Variants in RALYL observed in about 807,000 individuals in gnomAD.
RALYL encodes the protein RNA-binding Raly-like protein.
A neutral mutation model predicts 35.1 loss-of-function variants in RALYL; 29 were observed. The observed-to-expected ratio is 0.83, with a 90% CI of 0.61 to 1.13. The LOEUF (loss-of-function observed/expected upper bound fraction) is 1.13, where lower values mean the gene tolerates loss of function less well. RALYL is among the 50% of genes most tolerant of loss of function. The pLI is 0.00. For missense variants in RALYL, 359 were observed against 360.4 expected, an observed-to-expected ratio of 1.00 and a Z score of 0.03; for synonymous variants, 120 against 127.6, an observed-to-expected ratio of 0.94 and a Z score of 0.40.
At chr8:84,423,251 T>A (rs1377957225) in intron 1 of RALYL, among the ~76,000 whole-genome samples, 1 of 151,744 alleles carries the variant, frequency 6.6e-6, no homozygotes, top group Non-Finnish European at 1.5e-5. Flanking sequence ...GGTGCATATA[T>A]ATTTAGGATA....
chr8:84,253,493 C>T (rs1389483906), intron 1 of RALYL, among the ~76,000 whole-genome samples: 1 of 151,754 alleles, frequency 6.6e-6, no homozygotes, highest in Non-Finnish European at 1.5e-5. Flanking sequence ...AGCCACTGCA[C>T]CTGGCCCTGT....
intron 1 of RALYL, among the ~76,000 whole-genome samples, chr8:84,426,203 A>G (rs1335861781): frequency 6.6e-6 from 1 of 152,160 alleles, no homozygotes; most frequent in Non-Finnish European, 1.5e-5. Context: ...CCATCATCTC[A>G]CATAGTTACC....
intron 1 of RALYL, among the ~76,000 whole-genome samples, chr8:84,406,157 T>C (rs193057707): frequency 2.9e-3 from 434 of 152,244 alleles, no homozygotes; most frequent in Non-Finnish European, 3.1e-3. Flanking sequence ...GGAACTGTTA[T>C]ATGTATGCTT....
chr8:84,266,895 G>GTTTGTA (rs1271680651), intron 1 of RALYL, among the ~76,000 whole-genome samples: 1 of 148,748 alleles, frequency 6.7e-6, no homozygotes, highest in Non-Finnish European at 1.5e-5. Flanking sequence ...GGGAGGCGGA[G>GTTTGTA]CTTGCAGTGA....
intron 2 of RALYL, among the ~76,000 whole-genome samples, chr8:84,537,369 C>G (rs911901686): frequency 1.3e-5 from 2 of 151,016 alleles, no homozygotes; most frequent in African/African-American, 4.9e-5. Context: ...ATTCAGGAAG[C>G]TGAGGTGGGA....
chr8:84,683,273 A>G (rs991320658), intron 2 of RALYL, among the ~76,000 whole-genome samples: 111 of 152,258 alleles, frequency 7.3e-4, no homozygotes, highest in African/African-American at 2.6e-3. Context: ...TATGTGGTCA[A>G]TTTTGGAATA....
chr8:84,311,380 TAAAG>T (rs1048770044), intron 1 of RALYL, among the ~76,000 whole-genome samples: 1 of 151,824 alleles, frequency 6.6e-6, no homozygotes, highest in African/African-American at 2.4e-5. Context: ...GTCTGAAAAA[TAAAG>T]AAAATAAACA....
At chr8:84,380,933 G>A (rs1857867194) in intron 1 of RALYL, among the ~76,000 whole-genome samples, 1 of 151,830 alleles carries the variant, frequency 6.6e-6, no homozygotes, top group African/African-American at 2.4e-5. Context: ...CTGAGGTCTG[G>A]CAGCTCAGAC....
chr8:84,619,084 G>A (rs2061650287), intron 2 of RALYL, among the ~76,000 whole-genome samples: 1 of 151,302 alleles, frequency 6.6e-6, no homozygotes, highest in African/African-American at 2.5e-5. Context: ...ATTTGGGGTG[G>A]ACAGTTCTGT....
intron 1 of RALYL, among the ~76,000 whole-genome samples, chr8:84,247,546 G>GA (rs991033829): frequency 6.1e-5 from 9 of 148,678 alleles, no homozygotes; most frequent in East Asian, 2.0e-4. Flanking sequence ...AAAAAAAAAA[G>GA]AAAAAAAAAC....
rs553045538 is a variant in RALYL at position 84,279,459 on chromosome 8, G to A, written c.-24+95035G>A. On this transcript the variant is annotated intron_variant, in intron 1 of 8. Coordinates refer to ENST00000521268, the MANE Select transcript of RALYL (RefSeq NM_173848.7). ...AGAAAGCAGGAAATTTCAGGTAGAG[G>A]TAAGTGTTATGAAAGAAAATAAAAA... Among the ~76,000 whole-genome samples, 108 of 152,294 alleles carry A rather than the reference G, an allele frequency of 7.1e-4. 2 individuals carry two copies. The South Asian group carries it at 0.01, about 15-fold the overall frequency.
intron 2 of RALYL, chr8:84,679,407 C>T (rs1261730955): frequency 4.2e-5 from 11 of 264,534 alleles, no homozygotes; most frequent in Non-Finnish European, 6.8e-5. Flanking sequence ...TGGCATGGAG[C>T]CTCCCAAGAG....
intron 2 of RALYL, among the ~76,000 whole-genome samples, chr8:84,569,886 C>T (rs1807504202): frequency 6.6e-6 from 1 of 151,794 alleles, no homozygotes; most frequent in African/African-American, 2.4e-5. Context: ...TGTCAAAAAT[C>T]AATCAGTTGT....
At chr8:84,919,062 A>G (rs1004392278) in intron 8 of RALYL, among the ~76,000 whole-genome samples, 1 of 151,940 alleles carries the variant, frequency 6.6e-6, no homozygotes, top group Non-Finnish European at 1.5e-5. Flanking sequence ...CTTTTGACAC[A>G]TGCAGGATGG....
At chr8:84,210,461 G>A (rs1419007029) in intron 1 of RALYL, among the ~76,000 whole-genome samples, 3 of 150,366 alleles carry the variant, frequency 2.0e-5, no homozygotes, top group South Asian at 2.1e-4. Flanking sequence ...TTAATTAGTG[G>A]GTCATTCATA....
intron 1 of RALYL, among the ~76,000 whole-genome samples, chr8:84,421,224 G>A (rs2045533699): frequency 1.4e-4 from 6 of 42,760 alleles, no homozygotes; most frequent in Admixed American, 5.6e-4. Flanking sequence ...TTATTTCCTT[G>A]AGCAGTGGTT....
chr8:84,555,082 C>T (rs543268025), intron 2 of RALYL, among the ~76,000 whole-genome samples: 4 of 152,226 alleles, frequency 2.6e-5, no homozygotes, highest in East Asian at 3.9e-4. Context: ...CGTTCAAGAC[C>T]AGCCTGACCA....
At chr8:84,864,865 G>C (rs1838862282) in intron 6 of RALYL, 1 of 498,260 alleles carries the variant, frequency 2.0e-6, no homozygotes, top group Non-Finnish European at 3.8e-6. Context: ...AGAAACAAGG[G>C]GCAGCCAGCC....
At chr8:84,585,906 G>A (rs1026146319) in intron 2 of RALYL, among the ~76,000 whole-genome samples, 5 of 151,946 alleles carry the variant, frequency 3.3e-5, no homozygotes, top group East Asian at 3.9e-4. Context: ...CTTAAAAAAC[G>A]TGATGTTTGG....
Sources: gnomAD v4.1 joint callset for allele counts (sites outside exome capture counted in the v4.1 genomes callset) on GRCh38, gnomAD v4.1.1 for gene constraint, MANE v1.5 for transcripts, NCBI Gene and HGNC (gene_info 2026-07-23, HGNC 2026-07-21) for gene names.